Variants in FHL2 observed in about 807,000 individuals in gnomAD.
The protein encoded by FHL2 is four and a half LIM domains 2.
In FHL2, 20 loss-of-function variants were observed where a neutral mutation model predicts 32.7. The observed-to-expected ratio is 0.61, with a 90% CI of 0.43 to 0.89. The LOEUF is 0.89. Among genes scored for constraint, FHL2 ranks in the 40% least tolerant of loss-of-function variants. FHL2 has a pLI of 0.00. For missense variants in FHL2, 311 were observed against 358.6 expected (o/e 0.87, Z 1.07); for synonymous variants, 123 against 128.1 (o/e 0.96, Z 0.27).
At chr2:105,377,943 C>A in intron 3 of FHL2, 1 of 420,964 alleles carries the variant, frequency 2.4e-6, no homozygotes, top group Non-Finnish European at 4.9e-6. Flanking sequence ...TTATCAGTGA[C>A]AAGAGAGGGA....
intron 2 of FHL2, among the ~76,000 whole-genome samples, chr2:105,388,090 G>A (rs1483674372): frequency 3.3e-5 from 5 of 152,106 alleles, no homozygotes; most frequent in Non-Finnish European, 7.4e-5. Context: ...AACAACAGAC[G>A]CTGGGGTCTA....
At chr2:105,411,982 G>T (rs888289615) in intron 1 of FHL2, among the ~76,000 whole-genome samples, 8 of 152,114 alleles carry the variant, frequency 5.3e-5, no homozygotes, top group African/African-American at 1.7e-4. Flanking sequence ...AAGGGTTAAA[G>T]TCCAGTGTGA....
intron 3 of FHL2, chr2:105,374,097 C>G (rs1442796677): frequency 3.2e-6 from 1 of 311,012 alleles, no homozygotes; most frequent in Non-Finnish European, 6.3e-6. Context: ...GACAGAGAAA[C>G]AGACTGCAGG....
chr2:105,398,706 C>A, intron 1 of FHL2, 136 bp downstream of exon 1: 1 of 677,906 alleles, frequency 1.5e-6, no homozygotes, highest in South Asian at 3.9e-5. Context: ...TCTCCCCACC[C>A]CCAACCCCCA....
chr2:105,386,073 T>A, intron 3 of FHL2: 2 of 441,120 alleles, frequency 4.5e-6, no homozygotes, highest in Non-Finnish European at 8.0e-6. Flanking sequence ...CCAGTATTGG[T>A]AGGCAGCTGG....
At chr2:105,362,658 G>A (rs867458967) in intron 6 of FHL2, among the ~76,000 whole-genome samples, 6 of 152,284 alleles carry the variant, frequency 3.9e-5, no homozygotes, top group Middle Eastern at 3.4e-3. Context: ...TTTGTGTAGC[G>A]ATATGTGGTG....
In FHL2 at chr2:105,417,684, C is replaced by CA. The variant is rs11353319; in HGVS notation, c.-25+20714dup. Among the ~76,000 whole-genome samples the CA allele has an allele frequency of 1.2e-3, 107 of 89,348 alleles. 1 individual carries two copies. The highest frequency in any genetic ancestry group is 3.2e-3 in the African/African-American group (72 of 22,560). The allele number at this position is 89,348 out of a possible 152,430, so 58.6% of individuals were successfully genotyped here. ...GGGCAATACAGCGAGACTCCATCTC[C>CA]AAAAAAAAAAAAAAAAAAAAGAAAG... On this transcript the variant is annotated intron_variant, in intron 1 of 5. Transcript: ENST00000393352.
At chr2:105,405,451 C>T (rs1683599540) in intron 1 of FHL2, among the ~76,000 whole-genome samples, 3 of 152,158 alleles carry the variant, frequency 2.0e-5, no homozygotes, top group Admixed American at 2.0e-4. Flanking sequence ...TACTCTGTCA[C>T]CCAGGCTGGA....
At chr2:105,388,276 G>A (rs1369578652) in intron 2 of FHL2, among the ~76,000 whole-genome samples, 2 of 152,070 alleles carry the variant, frequency 1.3e-5, no homozygotes, top group African/African-American at 4.8e-5. Context: ...TTTAAAATAA[G>A]GGGTCTCCAT....
At chr2:105,411,492 T>TC (rs1385852428) in intron 1 of FHL2, among the ~76,000 whole-genome samples, 1 of 149,798 alleles carries the variant, frequency 6.7e-6, no homozygotes, top group Non-Finnish European at 1.5e-5. Flanking sequence ...TCACCCAGAA[T>TC]CCTCATCTTT....
At chr2:105,384,617 C>G (rs1371074384) in intron 3 of FHL2, among the ~76,000 whole-genome samples, 1 of 152,186 alleles carries the variant, frequency 6.6e-6, no homozygotes, top group African/African-American at 2.4e-5. Flanking sequence ...AAGTGATTCT[C>G]GTGCCTCAGC....
At chr2:105,364,806 C>T (rs1680515479) in intron 5 of FHL2, among the ~76,000 whole-genome samples, 2 of 152,150 alleles carry the variant, frequency 1.3e-5, no homozygotes, top group Admixed American at 1.3e-4. Context: ...GATGAGTAAA[C>T]TGAGACTCAG....
At chr2:105,419,643 C>T (rs1330389140) in intron 1 of FHL2, among the ~76,000 whole-genome samples, 1 of 152,104 alleles carries the variant, frequency 6.6e-6, no homozygotes, top group Non-Finnish European at 1.5e-5. Context: ...TCCTAGAAGC[C>T]CAGGTTGCTT....
chr2:105,427,434 C>T (rs1450547606), intron 1 of FHL2, among the ~76,000 whole-genome samples: 3 of 152,116 alleles, frequency 2.0e-5, no homozygotes, highest in Admixed American at 2.0e-4. Context: ...GAAGTCTGGA[C>T]AAGAGAGAGT....
At chr2:105,401,471 GA>G (rs1203400823), upstream of FHL2, among the ~76,000 whole-genome samples, 1 of 152,112 alleles carries the variant, frequency 6.6e-6, no homozygotes, top group East Asian at 1.9e-4. Flanking sequence ...ATTCCATAAT[GA>G]AAACATTTTT....
chr2:105,379,628 T>G (rs10189100), intron 3 of FHL2, among the ~76,000 whole-genome samples: 25,119 of 152,162 alleles, frequency 0.17, 2,325 homozygotes, highest in East Asian at 0.29. Flanking sequence ...AAAACTAAAC[T>G]GTGCTCCTGT....
intron 1 of FHL2, among the ~76,000 whole-genome samples, chr2:105,414,983 A>T (rs116014918): frequency 0.034 from 5,169 of 152,362 alleles, 142 homozygotes; most frequent in Middle Eastern, 0.068. Flanking sequence ...ATACAACTGT[A>T]GTCTAAGTAA....
intron 1 of FHL2, among the ~76,000 whole-genome samples, chr2:105,410,523 A>G (rs549458941): frequency 6.6e-6 from 1 of 152,326 alleles, no homozygotes; most frequent in East Asian, 1.9e-4. Flanking sequence ...AATGGTGCTA[A>G]GCTACCTACT....
intron 3 of FHL2, chr2:105,378,393 G>A (rs951784145): frequency 6.3e-5 from 22 of 348,186 alleles, no homozygotes; most frequent in African/African-American, 4.5e-4. Flanking sequence ...GCAAGGTGAA[G>A]GCCGCATTCT....
Sources: allele counts gnomAD v4.1 joint callset (sites outside exome capture counted in the v4.1 genomes callset), GRCh38; gene constraint gnomAD v4.1.1; transcripts MANE v1.5; gene names NCBI Gene and HGNC (gene_info 2026-07-23, HGNC 2026-07-21).